RIMBP2: variants seen among roughly 807,000 people sequenced by gnomAD.
The protein encoded by RIMBP2 is RIMS binding protein 2.
In RIMBP2, 48 loss-of-function variants were observed where a neutral mutation model predicts 118.6. The ratio of observed to expected loss-of-function variants is 0.40; its 90% confidence interval spans 0.32 to 0.51. The LOEUF is 0.51. RIMBP2 is among the 20% of genes least tolerant of loss of function. The pLI, the probability that RIMBP2 is intolerant of heterozygous loss-of-function variation, is 0.41. For missense variants in RIMBP2, 1,551 were observed against 1,768.3 expected (o/e 0.88, Z 2.20); for synonymous variants, 762 against 742.9 (o/e 1.03, Z -0.42).
intron 4 of RIMBP2, among the ~76,000 whole-genome samples, chr12:130,505,071 C>T (rs73448609): frequency 0.066 from 10,058 of 152,202 alleles, 822 homozygotes; most frequent in African/African-American, 0.19. Context: ...GGATAAGTCA[C>T]GGTGTGTGCC....
rs773082367 is a variant in RIMBP2 at position 130,670,101 on chromosome 12, G to A, written c.-351-41645C>T. Among the ~76,000 whole-genome samples, 9 of 152,094 alleles carry A rather than the reference G, an allele frequency of 5.9e-5. No individual in the cohort carries two copies. The highest frequency in any genetic ancestry group is 5.9e-5 in the Non-Finnish European group (4 of 68,026). On this transcript the variant is annotated intron_variant, in intron 1 of 22. Coordinates refer to ENST00000690449, the MANE Select transcript of RIMBP2 (RefSeq NM_001393629.1). This position sits in a 1 kb window ranked among gnomAD's most constrained non-coding sequence, Gnocchi z 4.9. ...GAGGAGCACACAGATACACAGAAGA[G>A]GAGAGGGTAATGTGACCCCGGGGGC...
In RIMBP2 at chr12:130,422,586, C is replaced by T. The variant is rs374737684; in HGVS notation, c.3130-25G>A. On this transcript the variant is annotated intron_variant, in intron 16 of 22. Coordinates refer to ENST00000690449, the MANE Select transcript of RIMBP2 (RefSeq NM_001393629.1). The surrounding 1 kb of genome is among the most constrained non-coding windows in gnomAD (Gnocchi z 5.2). ...TCTAAAGACAAAACAACAACAAAGT[C>T]GTAAGTCTCGCCAGCATTGGGAACT... is the stretch of plus-strand genomic sequence containing the variant. 107 of 1,518,328 alleles carry T rather than the reference C, an allele frequency of 7.0e-5. No homozygotes were observed. In the Middle Eastern group the frequency reaches 8.5e-4, roughly 12 times the overall value. The allele number at this position is 1,518,328 out of a possible 1,614,324, so 94.1% of individuals were successfully genotyped here. A position where few individuals can be genotyped will look rare whatever the true frequency, so the allele number is the denominator to read the frequency against.
At chr12:130,656,801 TGGGAGGCTGAGGTGGCAGGA>T (rs1361462789) in intron 1 of RIMBP2, among the ~76,000 whole-genome samples, 7 of 152,006 alleles carry the variant, frequency 4.6e-5, no homozygotes, top group African/African-American at 1.5e-4. Context: ...CCCAGCTACT[TGGGAGGCTGAGGTGGCAGGA>T]TGGTTTGAGC....
In RIMBP2 at chr12:130,436,876, C is replaced by T. The variant is rs776885420; in HGVS notation, c.2072G>A (p.Arg691Gln). ...VSTTVAKAMA[R>Q]EAAQRVAESS... ...CTCGGCCACCCTCTGCGCGGCCTCC[C>T]GGGCCATGGCCTTGGCGACGGTGGT... Residue 691 changes from arginine (R) to glutamine (Q), a missense_variant, in exon 13 of 23, where the codon CGG (arginine) becomes CAG (glutamine). Physicochemically the swap from Arg to Gln is conservative, Grantham distance 43. Transcript: ENST00000690449. The T allele has an allele frequency of 1.7e-5, 27 of 1,557,520 alleles. No individual in the cohort carries two copies. Among genetic ancestry groups the T allele is most frequent in the Admixed American group, 3.7e-5 (2 of 53,758 alleles).
At chr12:130,714,515 T>C (rs1950191306) in intron 1 of RIMBP2, among the ~76,000 whole-genome samples, 1 of 152,006 alleles carries the variant, frequency 6.6e-6, no homozygotes, top group Non-Finnish European at 1.5e-5. Flanking sequence ...TCTTCCTGTC[T>C]CCCGGGCACG....
At chr12:130,706,469 T>A (rs541346415) in intron 1 of RIMBP2, among the ~76,000 whole-genome samples, 1 of 152,368 alleles carries the variant, frequency 6.6e-6, no homozygotes, top group African/African-American at 2.4e-5. Flanking sequence ...CCTGTGACTG[T>A]GGCTAATTCC....
chr12:130,492,350 T>G (rs11610006), intron 4 of RIMBP2, among the ~76,000 whole-genome samples: 6,159 of 152,186 alleles, frequency 0.04, 189 homozygotes, highest in South Asian at 0.15. Context: ...AAAACATTCA[T>G]GTGAATTCAG....
intron 11 of RIMBP2, among the ~76,000 whole-genome samples, chr12:130,439,058 T>C (rs544742086): frequency 2.7e-5 from 4 of 148,508 alleles, no homozygotes; most frequent in African/African-American, 9.8e-5. Flanking sequence ...TACCACCCCA[T>C]GAAACTGAGC....
chr12:130,569,171 C>T (rs576607107), intron 2 of RIMBP2, among the ~76,000 whole-genome samples: 1 of 152,222 alleles, frequency 6.6e-6, no homozygotes, highest in African/African-American at 2.4e-5. Context: ...TGTCAGCTCC[C>T]TGGGCCCTGG....
At chr12:130,616,505 C>T (rs984043364) in intron 2 of RIMBP2, among the ~76,000 whole-genome samples, 1 of 152,198 alleles carries the variant, frequency 6.6e-6, no homozygotes, top group African/African-American at 2.4e-5. Context: ...AACCTGTCTA[C>T]AAGGCAGGAT....
At chr12:130,602,114 T>C (rs1481724987) in intron 2 of RIMBP2, among the ~76,000 whole-genome samples, 1 of 152,088 alleles carries the variant, frequency 6.6e-6, no homozygotes, top group Non-Finnish European at 1.5e-5. Flanking sequence ...GTCTGGCCAG[T>C]ATGGCAAAAC....
intron 9 of RIMBP2, among the ~76,000 whole-genome samples, chr12:130,448,359 C>T (rs553173764): frequency 3.3e-5 from 5 of 152,306 alleles, no homozygotes; most frequent in South Asian, 2.1e-4. Context: ...GTGGCAGGAA[C>T]GCAAACCCAG....
chr12:130,513,999 GTCACCC>G (rs1276014577), intron 3 of RIMBP2, among the ~76,000 whole-genome samples: 1 of 152,164 alleles, frequency 6.6e-6, no homozygotes, highest in Non-Finnish European at 1.5e-5. Flanking sequence ...TCAGCACAAA[GTCACCC>G]CCACACCTTC....
chr12:130,555,198 G>A (rs963497641), intron 2 of RIMBP2, among the ~76,000 whole-genome samples: 1 of 152,188 alleles, frequency 6.6e-6, no homozygotes, highest in Admixed American at 6.5e-5. Flanking sequence ...GCTCCCTGTG[G>A]TGAACTTCTG....
At chr12:130,473,966 G>T (rs1056007299) in intron 5 of RIMBP2, among the ~76,000 whole-genome samples, 1 of 152,196 alleles carries the variant, frequency 6.6e-6, no homozygotes, top group African/African-American at 2.4e-5. Context: ...ACTGTAGACC[G>T]AAGTAAAATC....
chr12:130,583,652 TCACCAA>T (rs1317123015), intron 2 of RIMBP2, among the ~76,000 whole-genome samples: 18 of 149,684 alleles, frequency 1.2e-4, no homozygotes, highest in African/African-American at 4.5e-4. Flanking sequence ...CGCATCACCA[TCACCAA>T]CACATCATCA....
chr12:130,671,955 A>C (rs2064217903), intron 1 of RIMBP2, among the ~76,000 whole-genome samples: 1 of 152,198 alleles, frequency 6.6e-6, no homozygotes, highest in South Asian at 2.1e-4. Context: ...TGTCACATGA[A>C]TCACATGATG....
At chr12:130,550,266 G>A (rs2139704627) in intron 2 of RIMBP2, among the ~76,000 whole-genome samples, 1 of 152,262 alleles carries the variant, frequency 6.6e-6, no homozygotes, top group Admixed American at 6.5e-5. Flanking sequence ...GACTAAAGGG[G>A]ACCTACAACT....
At chr12:130,591,131 C>A (rs1241495597) in intron 2 of RIMBP2, among the ~76,000 whole-genome samples, 2 of 152,100 alleles carry the variant, frequency 1.3e-5, no homozygotes, top group African/African-American at 4.8e-5. Context: ...GGTATGGAAC[C>A]AGAAACTGAC....
Sources: allele counts gnomAD v4.1 joint callset (sites outside exome capture counted in the v4.1 genomes callset), GRCh38; gene constraint gnomAD v4.1.1; non-coding constraint Gnocchi (gnomAD v3.1); transcripts MANE v1.5; gene names NCBI Gene and HGNC (gene_info 2026-07-23, HGNC 2026-07-21).